Variants in CDH22 observed in about 807,000 individuals in gnomAD.
CDH22 encodes cadherin 22.
CDH22 carries 30 observed loss-of-function variants against 58.4 expected under a neutral mutation model. The ratio of observed to expected loss-of-function variants is 0.51; its 90% CI spans 0.38 to 0.70. The LOEUF is 0.70. Ranked by LOEUF, CDH22 falls within the 30% of genes least tolerant of loss-of-function variation. CDH22 has a pLI of 0.00. For missense variants in CDH22, 1,014 were observed against 1,233.9 expected, an observed-to-expected ratio of 0.82 and a Z score of 2.67; for synonymous variants, 513 against 558.2, an observed-to-expected ratio of 0.92 and a Z score of 1.14.
At chr20:46,296,532 C>T (rs374318973) in intron 1 of CDH22, among the ~76,000 whole-genome samples, 3 of 152,152 alleles carry the variant, frequency 2.0e-5, no homozygotes, top group Admixed American at 6.5e-5. Context: ...AACAATGGTT[C>T]GCAAAGGGCT....
chr20:46,251,034 C>G lies in CDH22; in HGVS notation c.255+6G>C, dbSNP rs756415963. ...GATCTGGAGTTGGAGTGGGGCCCCA[C>G]TTTACCTTGCCCACATACAGGGGCT... On this transcript the variant is annotated splice_donor_region_variant and intron_variant, in intron 2 of 11. Coordinates refer to ENST00000537909, the MANE Select transcript of CDH22 (RefSeq NM_021248.3). This position sits in a 1 kb window ranked among gnomAD's most constrained non-coding sequence, Gnocchi z 6.7. 6 of 1,600,750 alleles carry G rather than the reference C, an allele frequency of 3.7e-6. No homozygotes were observed. The highest frequency in any genetic ancestry group is 5.1e-6 in the Non-Finnish European group (6 of 1,169,548).
At chr20:46,217,127 G>A in intron 4 of CDH22, 134 bp from the exon 5 acceptor site, 1 of 743,438 alleles carries the variant, frequency 1.3e-6, no homozygotes. Flanking sequence ...GGCCACACAA[G>A]GACATCCACG....
intron 1 of CDH22, among the ~76,000 whole-genome samples, chr20:46,282,692 G>A (rs1290806599): frequency 2.0e-5 from 3 of 152,152 alleles, no homozygotes; most frequent in Non-Finnish European, 2.9e-5. Flanking sequence ...AATGGAAAAT[G>A]GAAGATGTTC....
chr20:46,296,981 G>A (rs959745805), intron 1 of CDH22, among the ~76,000 whole-genome samples: 2 of 152,188 alleles, frequency 1.3e-5, no homozygotes, highest in African/African-American at 2.4e-5. Context: ...GCCCACCCAT[G>A]GTACTAGGCA....
At chr20:46,284,030 G>A (rs1057067856) in intron 1 of CDH22, among the ~76,000 whole-genome samples, 1 of 152,268 alleles carries the variant, frequency 6.6e-6, no homozygotes, top group Admixed American at 6.5e-5. Flanking sequence ...TCACACTTAA[G>A]GAAATTGTTC....
chr20:46,266,904 T>C (rs1343585779), intron 1 of CDH22, among the ~76,000 whole-genome samples: 1 of 140,304 alleles, frequency 7.1e-6, no homozygotes, highest in East Asian at 2.2e-4. Context: ...GGAAGGTCTA[T>C]AGGGTGCTTT....
In CDH22 at chr20:46,216,904, G is replaced by A; in HGVS notation, c.760C>T (p.Leu254=). The change falls in exon 5 of 12, where the codon CTG becomes TTG. Residue 254 remains leucine (L), a synonymous_variant. Transcript: ENST00000537909. This position sits in a 1 kb window ranked among gnomAD's most constrained non-coding sequence, Gnocchi z 5.3. ...GTAGTGGAGCCCGAGAGGCCACCCA[G>A]CTGACCCGCCATGTCTGTGGCCTGG... ...VIQATDMAGQ[L]GGLSGSTTVT... is the part of the protein sequence containing the mutation. The A allele has an allele frequency of 1.2e-6, 2 of 1,611,380 alleles. No homozygotes were observed. The highest frequency in any genetic ancestry group is 1.7e-6 in the Non-Finnish European group (2 of 1,178,046).
Position 46,256,152 on chromosome 20 carries a change from T to C in CDH22, c.-399-4459A>G, listed in dbSNP as rs189929753. On this transcript the variant is annotated intron_variant, in intron 1 of 11. Transcript: ENST00000537909. ...CATTCCTTCATTTCACAAATATTTA[T>C]GAGTTTCCACTCTGTGTTGTTCTAG... is the stretch of plus-strand genomic sequence containing the variant. Among the ~76,000 whole-genome samples the C allele has an allele frequency of 2.8e-3, 420 of 152,318 alleles. 5 individuals are homozygous for C. The highest frequency in any genetic ancestry group is 0.017 in the Middle Eastern group (5 of 294).
chr20:46,178,586 CTTTTTTTTTT>C (rs33937889), intron 10 of CDH22, among the ~76,000 whole-genome samples: 3,318 of 95,374 alleles, frequency 0.035, 106 homozygotes, highest in Admixed American at 0.056. Flanking sequence ...CTGGCGTTGT[CTTTTTTTTTT>C]TTTTTTTTTT....
intron 3 of CDH22, among the ~76,000 whole-genome samples, chr20:46,236,649 ATATCTATCTATC>A (rs3082934): frequency 5.9e-5 from 8 of 135,830 alleles, no homozygotes; most frequent in East Asian, 4.1e-4. Flanking sequence ...TTATATATTA[ATATCTATCTATC>A]TATCTATCTA....
chr20:46,257,003 T>C (rs2086409665), intron 1 of CDH22, among the ~76,000 whole-genome samples: 1 of 122,190 alleles, frequency 8.2e-6, no homozygotes, highest in African/African-American at 3.2e-5. Context: ...TGAGACCCTG[T>C]CTCTAAAAGA....
intron 1 of CDH22, among the ~76,000 whole-genome samples, chr20:46,260,920 C>G (rs1168112101): frequency 1.3e-5 from 2 of 152,208 alleles, no homozygotes; most frequent in Non-Finnish European, 2.9e-5. Context: ...CACAGAGCGA[C>G]CCCCAGACAG....
intron 1 of CDH22, among the ~76,000 whole-genome samples, chr20:46,262,172 G>A (rs898418896): frequency 6.6e-6 from 1 of 151,760 alleles, no homozygotes; most frequent in Admixed American, 6.6e-5. Flanking sequence ...TGTAGTGTTG[G>A]GACAGAGGGT....
chr20:46,298,943 C>G (rs984696070), intron 1 of CDH22, among the ~76,000 whole-genome samples: 23 of 152,124 alleles, frequency 1.5e-4, no homozygotes, highest in Middle Eastern at 3.2e-3. Context: ...CTTCATTAAG[C>G]CCCCACCCCA....
At chr20:46,188,302 T>A (rs573261554) in intron 8 of CDH22, among the ~76,000 whole-genome samples, 3 of 152,202 alleles carry the variant, frequency 2.0e-5, no homozygotes, top group Non-Finnish European at 4.4e-5. Context: ...GTAGTTCTGA[T>A]TCCAGCTCTG....
chr20:46,245,116 C>T (rs1159843174), intron 2 of CDH22, among the ~76,000 whole-genome samples: 1 of 152,162 alleles, frequency 6.6e-6, no homozygotes, highest in Non-Finnish European at 1.5e-5. Flanking sequence ...GATTAGTTCC[C>T]TCTCCTTTTC....
At position 46,182,836 on chromosome 20, in the gene CDH22, G is replaced by A. The variant is rs117178774; in HGVS notation, c.1663+3752C>T. Reference sequence around the variant, plus strand: ...AAGAAACAGATGGGTTGGGGTAGCCGTTTGTCACCTAGGATATTTATACAG... The same window carrying A: ...AAGAAACAGATGGGTTGGGGTAGCCATTTGTCACCTAGGATATTTATACAG... On this transcript the variant is annotated intron_variant, in intron 10 of 11. Transcript: ENST00000537909. 3.3e-3 allele frequency among the ~76,000 whole-genome samples: 510 copies of A among 152,334 alleles called. 4 individuals are homozygous for A. The highest frequency in any genetic ancestry group is 3.9e-3 in the Non-Finnish European group (263 of 68,034).
chr20:46,236,973 A>G (rs1463490987), intron 3 of CDH22, among the ~76,000 whole-genome samples: 1 of 152,198 alleles, frequency 6.6e-6, no homozygotes, highest in Non-Finnish European at 1.5e-5. Flanking sequence ...GATTACAGGC[A>G]TGGGCCACCG....
At chr20:46,234,969 A>G (rs78199910) in intron 3 of CDH22, among the ~76,000 whole-genome samples, 3,729 of 152,372 alleles carry the variant, frequency 0.024, 88 homozygotes, top group Middle Eastern at 0.061. Flanking sequence ...GGGGCTATAT[A>G]TAAAGTAGGT....
Sources: allele counts gnomAD v4.1 joint callset (sites outside exome capture counted in the v4.1 genomes callset), GRCh38; gene constraint gnomAD v4.1.1; non-coding constraint Gnocchi (gnomAD v3.1); transcripts MANE v1.5; gene names NCBI Gene and HGNC (gene_info 2026-07-23, HGNC 2026-07-21).